The following CBX2 variants were observed in gnomAD, a reference collection of about 807,000 sequenced individuals.
The protein encoded by CBX2 is chromobox protein homolog 2.
A neutral mutation model predicts 21.0 loss-of-function variants in CBX2; 11 were observed. The observed-to-expected ratio is 0.52, with a 90% CI of 0.33 to 0.87. The LOEUF (loss-of-function observed/expected upper bound fraction) is 0.87. Ranked by LOEUF, CBX2 falls within the 40% of genes least tolerant of loss-of-function variation. CBX2 has a pLI of 0.02. For synonymous variants in CBX2, 364 were observed against 304.6 expected, an observed-to-expected ratio of 1.19 and a Z score of -2.03; for missense variants, 746 against 724.3, an observed-to-expected ratio of 1.03 and a Z score of -0.34.
chr17:79,778,489 G>C lies in CBX2; in HGVS notation c.116+62G>C. ...CCTCGCCCGGGGGTGGGGACGTGGA[G>C]CCCCTCGGCCGCGCCGTCCGGTGGC... On this transcript the variant is annotated intron_variant, in intron 2 of 4. Coordinates refer to ENST00000310942, the MANE Select transcript of CBX2 (RefSeq NM_005189.3). The surrounding 1 kb of genome is among the most constrained non-coding windows in gnomAD (Gnocchi z 4.8). The C allele has an allele frequency of 8.6e-7, 1 of 1,169,326 alleles. No homozygotes were observed. Among genetic ancestry groups the C allele is most frequent in the Non-Finnish European group, 1.2e-6 (1 of 854,690 alleles). The allele number at this position is 1,169,326 out of a possible 1,614,324, so 72.4% of individuals were successfully genotyped here. A position where few individuals can be genotyped will look rare whatever the true frequency, so the allele number is the denominator to read the frequency against.
intron 2 of CBX2, 115 bp from the exon 3 acceptor site, chr17:79,779,247 T>C: frequency 1.1e-6 from 1 of 933,696 alleles, no homozygotes; most frequent in Non-Finnish European, 1.7e-6. Flanking sequence ...GGTGCTACGG[T>C]GCCACTGCCA....
At chr17:79,781,633 T>G in intron 3 of CBX2, 63 bp from the exon 4 acceptor site, 1 of 1,394,966 alleles carries the variant, frequency 7.2e-7, no homozygotes, top group Non-Finnish European at 1.0e-6. Flanking sequence ...AGCCATAGAG[T>G]CCCACATGGT....
At chr17:79,783,041 G>C (rs1907349566) in intron 4 of CBX2, among the ~76,000 whole-genome samples, 1 of 152,296 alleles carries the variant, frequency 6.6e-6, no homozygotes, top group South Asian at 2.1e-4. Flanking sequence ...AATACGACTT[G>C]TAACCTCCTG....
In CBX2 at chr17:79,781,773, C is replaced by T; in HGVS notation, c.260C>T (p.Ser87Phe). ...CGGCCAAGGAAGCTCACTGCCATGT[C>T]CTCCTGCAGCCGGCGCTCCAAGCTC... ...RGRPRKLTAMSSCSRRSKLKE... is the reference protein window; with the variant it reads ...RGRPRKLTAMFSCSRRSKLKE... The change falls in exon 4 of 5, where the codon TCC becomes TTC. Residue 87 changes from serine to phenylalanine, a missense_variant. By Grantham distance (155) the Ser-to-Phe change is radical (BLOSUM62 -2). Coordinates refer to ENST00000310942, the MANE Select transcript of CBX2 (RefSeq NM_005189.3). 6.2e-7 allele frequency: 1 copy of T among 1,613,980 alleles called. No homozygotes were observed. The highest frequency in any genetic ancestry group is 1.1e-5 in the South Asian group (1 of 91,084).
rs782060665 is a variant in CBX2 at position 79,783,824 on chromosome 17, C to T, written c.381C>T (p.Asp127=). The T allele has an allele frequency of 1.7e-5, 27 of 1,606,490 alleles. No homozygotes were observed. The highest frequency in any genetic ancestry group is 2.0e-5 in the Non-Finnish European group (24 of 1,176,534). Residue 127 remains aspartate (D), a synonymous_variant, in exon 5 of 5, where the codon GAC becomes GAT. Transcript: ENST00000310942. ...SSSSDEEDDS[D]LDAKRGPRGR... ...CCTCAGATGAAGAGGATGACAGTGA[C>T]TTAGATGCTAAGAGGGGTCCCCGGG...
chr17:79,785,053 C>T lies in CBX2; in HGVS notation c.*11C>T, dbSNP rs781798509. Reference sequence around the variant, plus strand: ...CTGAGGCATTACTGAAGCCCCGGCGCCACCAGCTGCGCGGTCTTACTCCCC... The same window carrying T: ...CTGAGGCATTACTGAAGCCCCGGCGTCACCAGCTGCGCGGTCTTACTCCCC... On this transcript the variant is annotated 3_prime_UTR_variant, in exon 5 of 5. Transcript: ENST00000310942. 2.5e-6 allele frequency: 4 copies of T among 1,594,416 alleles called. No homozygotes were observed. The highest frequency in any genetic ancestry group is 1.3e-5 in the African/African-American group (1 of 74,792).
chr17:79,778,014 C>G (rs1331419986), upstream of CBX2: 2 of 145,770 alleles, frequency 1.4e-5, no homozygotes, highest in Non-Finnish European at 3.0e-5. The surrounding 1 kb of genome is among the most constrained non-coding windows in gnomAD (Gnocchi z 4.8). Context: ...CGCCCCGCCC[C>G]GCCCCGCACC....
Position 79,787,010 on chromosome 17 carries a change from TA to T in CBX2, c.*1970del, listed in dbSNP as rs1907683599. The T allele has an allele frequency of 6.6e-6, 1 of 152,640 alleles. No individual in the cohort carries two copies. The highest frequency in any genetic ancestry group is 2.1e-4 in the South Asian group (1 of 4,830). 9.5% of individuals were successfully genotyped at this position (152,640 alleles called of 1,614,324 possible). ...TGCCCACCTCGGCGAATTGAAGGGC[TA>T]AGAGTCCCAGATAGCTAGGCCAGAG... On this transcript the variant is annotated 3_prime_UTR_variant, in exon 5 of 5. Transcript: ENST00000310942.
chr17:79,781,130 T>C (rs1555830125), intron 3 of CBX2, among the ~76,000 whole-genome samples: 1 of 152,070 alleles, frequency 6.6e-6, no homozygotes, highest in Admixed American at 6.5e-5. Flanking sequence ...CTCTGTCATC[T>C]CCCTCAAGAG....
chr17:79,783,030 T>C (rs1450841130), intron 4 of CBX2, among the ~76,000 whole-genome samples: 1 of 152,192 alleles, frequency 6.6e-6, no homozygotes, highest in Non-Finnish European at 1.5e-5. Context: ...GCATGCTACT[T>C]AATACGACTT....
rs1339021721 is a variant in CBX2 at position 79,778,747 on chromosome 17, A to G, written c.116+320A>G. ...GATGCAAGCCCCCCTCCTCTTGGCC[A>G]GATTCTCCCCGCTGTAACCTGAGCT... On this transcript the variant is annotated intron_variant, in intron 2 of 4. Transcript: ENST00000310942. This position sits in a 1 kb window ranked among gnomAD's most constrained non-coding sequence, Gnocchi z 4.8. Among the ~76,000 whole-genome samples, 2 of 151,344 alleles carry G rather than the reference A, an allele frequency of 1.3e-5. No homozygotes were observed. The highest frequency in any genetic ancestry group is 4.8e-5 in the African/African-American group (2 of 41,244).
rs558598679 is a variant in CBX2, at chr17:79,780,709, C to T, written c.183-987C>T. ...CACCAAAATGTTAGCTCTCTCTGGG[C>T]ACTAGGAGCTGGCGGTTACCTGCTT... On this transcript the variant is annotated intron_variant, in intron 3 of 4. Transcript: ENST00000310942. Among the ~76,000 whole-genome samples the T allele has an allele frequency of 1.2e-3, 189 of 151,756 alleles. 2 individuals carry two copies. Among genetic ancestry groups the T allele is most frequent in the Non-Finnish European group, 4.3e-4 (29 of 67,934 alleles).
At chr17:79,782,784 T>C (rs1907331311) in intron 4 of CBX2, among the ~76,000 whole-genome samples, 1 of 152,046 alleles carries the variant, frequency 6.6e-6, no homozygotes, top group African/African-American at 2.4e-5. Context: ...CCTGTTGAAG[T>C]TGGGAGAACG....
At chr17:79,777,870 G>C (rs868953784), upstream of CBX2, among the ~76,000 whole-genome samples, 93 of 150,296 alleles carry the variant, frequency 6.2e-4, no homozygotes, top group African/African-American at 2.2e-3. Flanking sequence ...GGCGCCCCAG[G>C]CCCGAAGTCC....
upstream of CBX2, among the ~76,000 whole-genome samples, chr17:79,777,637 CAG>C (rs1345814647): frequency 1.3e-5 from 2 of 151,920 alleles, no homozygotes; most frequent in Non-Finnish European, 2.9e-5. Context: ...TCGTCCAAAA[CAG>C]AGCGACTCCC....
intron 3 of CBX2, among the ~76,000 whole-genome samples, chr17:79,779,955 C>T (rs1399160061): frequency 6.6e-6 from 1 of 152,274 alleles, no homozygotes; most frequent in Non-Finnish European, 1.5e-5. Context: ...TGGCCTGCAG[C>T]ATACAGTACC....
rs115837021 is a variant in CBX2, at chr17:79,781,643, T to C, written c.183-53T>C. On this transcript the variant is annotated intron_variant, in intron 3 of 4. Transcript: ENST00000310942. ...CTGGAAGCCATAGAGTCCCACATGG[T>C]AGAAGGGGTACGCACAGGGCTTCTC... 2.5e-3 allele frequency: 3,719 copies of C among 1,485,124 alleles called. 83 individuals are homozygous for C. The African/African-American group carries it at 0.047, about 19-fold the overall frequency. 92.0% of individuals were successfully genotyped at this position (1,485,124 alleles called of 1,614,324 possible). A position where few individuals can be genotyped will look rare whatever the true frequency, so the allele number is the denominator to read the frequency against.
At position 79,778,216 on chromosome 17, in the gene CBX2, C is replaced by T. The variant is rs781949731; in HGVS notation, c.-20C>T. On this transcript the variant is annotated 5_prime_UTR_variant, in exon 1 of 5. Transcript: ENST00000310942. The surrounding 1 kb of genome is among the most constrained non-coding windows in gnomAD (Gnocchi z 4.8). ...GGTGACTGGCGGCGGGCGCCGCGGT[C>T]GGGCTGGCTGCCGGGCAGCATGGAG... is the stretch of plus-strand genomic sequence containing the variant. 2.0e-5 allele frequency: 26 copies of T among 1,330,368 alleles called. No individual in the cohort carries two copies. Among genetic ancestry groups the T allele is most frequent in the South Asian group, 9.9e-5 (5 of 50,566 alleles). The allele number at this position is 1,330,368 out of a possible 1,614,324, so 82.4% of individuals were successfully genotyped here. A position where few individuals can be genotyped will look rare whatever the true frequency, so the allele number is the denominator to read the frequency against.
rs1598231071 is a variant in CBX2 at position 79,787,981 on chromosome 17, T to G, written c.*2939T>G. On this transcript the variant is annotated 3_prime_UTR_variant, in exon 5 of 5. Coordinates refer to ENST00000310942, the MANE Select transcript of CBX2 (RefSeq NM_005189.3). ...AAAAATCATTCATGTATGCCACTTCTAATTGCTTTCAACTATGGCTGTTTG... is the reference window on the plus strand; with the variant it reads ...AAAAATCATTCATGTATGCCACTTCGAATTGCTTTCAACTATGGCTGTTTG... 7 of 152,336 alleles carry G rather than the reference T, an allele frequency of 4.6e-5. 1 individual carries two copies. In the Middle Eastern group the frequency reaches 0.024, roughly 518 times the overall value. 9.4% of individuals were successfully genotyped at this position (152,336 alleles called of 1,614,324 possible). A position where few individuals can be genotyped will look rare whatever the true frequency, so the allele number is the denominator to read the frequency against.
Sources: gnomAD v4.1 joint callset for allele counts (sites outside exome capture counted in the v4.1 genomes callset) on GRCh38, gnomAD v4.1.1 for gene constraint, Gnocchi (gnomAD v3.1) non-coding constraint, MANE v1.5 for transcripts, NCBI Gene and HGNC (gene_info 2026-07-23, HGNC 2026-07-21) for gene names.